The following GABRG3 variants were observed in gnomAD, a reference collection of about 807,000 sequenced individuals.
GABRG3 encodes the protein gamma-aminobutyric acid type A receptor subunit gamma3, also known as gamma-aminobutyric acid receptor subunit gamma-3.
In GABRG3, 25 loss-of-function variants were observed where a neutral mutation model predicts 48.8. The ratio of observed to expected loss-of-function variants is 0.51; its 90% CI spans 0.37 to 0.72. The LOEUF (loss-of-function observed/expected upper bound fraction) is 0.72. Ranked by LOEUF, GABRG3 falls within the 30% of genes least tolerant of loss-of-function variation. The pLI, the probability that GABRG3 is intolerant of heterozygous loss-of-function variation, is 0.00. For synonymous variants in GABRG3, 227 were observed against 217.6 expected, an observed-to-expected ratio of 1.04 and a Z score of -0.38; for missense variants, 394 against 577.9, an observed-to-expected ratio of 0.68 and a Z score of 3.26.
At chr15:27,481,070 A>G in intron 6 of GABRG3, 1 of 1,194,310 alleles carries the variant, frequency 8.4e-7, no homozygotes, top group East Asian at 3.5e-5. Context: ...TATTTACATA[A>G]ACCAATTTTG....
At chr15:27,277,895 G>A (rs1891307722) in intron 3 of GABRG3, among the ~76,000 whole-genome samples, 1 of 151,962 alleles carries the variant, frequency 6.6e-6, no homozygotes, top group South Asian at 2.1e-4. Context: ...AAAGGTCTAG[G>A]TACTATTTAC....
rs74522967 is a variant in GABRG3 at position 27,069,497 on chromosome 15, C to T, written c.270+42676C>T. Among the ~76,000 whole-genome samples the T allele has an allele frequency of 7.7e-3, 1,168 of 152,272 alleles. 14 individuals are homozygous for T. Among genetic ancestry groups the T allele is most frequent in the African/African-American group, 0.025 (1,054 of 41,546 alleles). On this transcript the variant is annotated intron_variant, in intron 3 of 9. Transcript: ENST00000615808. Reference sequence around the variant, plus strand: ...AACTGTACACTGTCAGAGAGACTCGCGCAGGAATCAAAACTGTGCATACAC... The same window carrying T: ...AACTGTACACTGTCAGAGAGACTCGTGCAGGAATCAAAACTGTGCATACAC...
chr15:27,371,131 A>G (rs1229090608), intron 5 of GABRG3, among the ~76,000 whole-genome samples: 1 of 152,032 alleles, frequency 6.6e-6, no homozygotes, highest in Non-Finnish European at 1.5e-5. Flanking sequence ...GGAAACTCCT[A>G]CCAGAATTAG....
At chr15:27,518,062 G>A (rs1280022172) in intron 6 of GABRG3, among the ~76,000 whole-genome samples, 1 of 151,824 alleles carries the variant, frequency 6.6e-6, no homozygotes. Flanking sequence ...GTAAAAATGG[G>A]ACTTTGGGCT....
At chr15:27,291,748 C>A (rs534741848) in intron 3 of GABRG3, among the ~76,000 whole-genome samples, 1 of 152,206 alleles carries the variant, frequency 6.6e-6, no homozygotes, top group African/African-American at 2.4e-5. Context: ...AGAGTGGAAA[C>A]TGTGAACCCA....
Position 27,527,442 on chromosome 15 carries a change from C to T in GABRG3, c.875C>T (p.Thr292Met), listed in dbSNP as rs750009355. 5 of 1,613,542 alleles carry T rather than the reference C, an allele frequency of 3.1e-6. No homozygotes were observed. The highest frequency in any genetic ancestry group is 4.2e-6 in the Non-Finnish European group (5 of 1,179,754). The change falls in exon 8 of 10, where the codon ACG (threonine) becomes ATG (methionine). Residue 292 changes from threonine (T) to methionine (M), a missense_variant. This residue lies in a region of GABRG3 where 50 missense variants were observed against 112.5 expected (regional missense o/e 0.44). Coordinates refer to ENST00000615808, the MANE Select transcript of GABRG3 (RefSeq NM_033223.5). ...CCCGTCCCCTGTTCAGGCATCACCA[C>T]GGTGCTGACCATGACCACCCTGAGC... ...TPARTALGIT[T>M]VLTMTTLSTI...
intron 5 of GABRG3, among the ~76,000 whole-genome samples, chr15:27,421,546 G>A (rs1237748645): frequency 6.6e-6 from 1 of 151,866 alleles, no homozygotes; most frequent in African/African-American, 2.4e-5. Context: ...GGAGTGGGCT[G>A]CGTATCCATC....
intron 3 of GABRG3, among the ~76,000 whole-genome samples, chr15:27,302,189 G>GA (rs1264364922): frequency 6.6e-6 from 1 of 151,896 alleles, no homozygotes; most frequent in Non-Finnish European, 1.5e-5. Context: ...TATATAAAAG[G>GA]AAAAAATACA....
chr15:27,355,207 A>T (rs1287227898), intron 5 of GABRG3, among the ~76,000 whole-genome samples: 1 of 152,246 alleles, frequency 6.6e-6, no homozygotes, highest in Non-Finnish European at 1.5e-5. Flanking sequence ...GTAACCTCAA[A>T]TGGATCTGTT....
chr15:27,060,142 C>G (rs551698914), intron 3 of GABRG3, among the ~76,000 whole-genome samples: 4 of 152,284 alleles, frequency 2.6e-5, no homozygotes, highest in Admixed American at 2.0e-4. Flanking sequence ...TGGTTTTTAA[C>G]ATTTTTGTAT....
chr15:27,044,992 A>C (rs899082033), intron 3 of GABRG3, among the ~76,000 whole-genome samples: 1 of 152,260 alleles, frequency 6.6e-6, no homozygotes, highest in Admixed American at 6.5e-5. Context: ...AGTTTGATTT[A>C]ACAGCAGTCT....
chr15:27,268,105 G>C (rs1182006717), intron 3 of GABRG3, among the ~76,000 whole-genome samples: 1 of 152,140 alleles, frequency 6.6e-6, no homozygotes, highest in Non-Finnish European at 1.5e-5. Flanking sequence ...AAGGTGTGTA[G>C]ACAGTAGGTT....
chr15:27,429,773 T>G (rs1888396080), intron 5 of GABRG3, among the ~76,000 whole-genome samples: 1 of 152,228 alleles, frequency 6.6e-6, no homozygotes, highest in Non-Finnish European at 1.5e-5. Context: ...TGAGTAATAT[T>G]CCATCGCATG....
chr15:27,213,544 G>A (rs552813737), intron 3 of GABRG3, among the ~76,000 whole-genome samples: 40 of 152,250 alleles, frequency 2.6e-4, no homozygotes, highest in African/African-American at 9.4e-4. Flanking sequence ...AACCTCTTGG[G>A]GATTTTTGAA....
chr15:27,306,636 A>ATTTATATATAAACATATATATGAACATG lies in GABRG3; in HGVS notation c.271-20126_271-20099dup, dbSNP rs750265107. On this transcript the variant is annotated intron_variant, in intron 3 of 9. Coordinates refer to ENST00000615808, the MANE Select transcript of GABRG3 (RefSeq NM_033223.5). ...ATAAACATATATAATATAAACATAT[A>ATTTATATATAAACATATATATGAACATG]TTTATATATAAACATATATATGAAC... Among the ~76,000 whole-genome samples, 4 of 88,454 alleles carry ATTTATATATAAACATATATATGAACATG rather than the reference A, an allele frequency of 4.5e-5. 1 individual carries two copies. The highest frequency in any genetic ancestry group is 2.9e-4 in the South Asian group (1 of 3,444). The allele number at this position is 88,454 out of a possible 152,430, so 58.0% of individuals were successfully genotyped here. A position where few individuals can be genotyped will look rare whatever the true frequency, so the allele number is the denominator to read the frequency against.
chr15:27,242,406 A>G (rs1365684660), intron 3 of GABRG3, among the ~76,000 whole-genome samples: 1 of 152,224 alleles, frequency 6.6e-6, no homozygotes, highest in Non-Finnish European at 1.5e-5. Flanking sequence ...ATATGTGATT[A>G]AGACAGGTTG....
chr15:27,362,861 A>G (rs751424117), intron 5 of GABRG3: 1 of 152,220 alleles, frequency 6.6e-6, no homozygotes, highest in Non-Finnish European at 1.5e-5. Context: ...GTGCATCAGA[A>G]GTTGTTCATC....
rs186320370 is a variant in GABRG3, at chr15:27,090,191, T to G, written c.270+63370T>G. Among the ~76,000 whole-genome samples, 32 of 152,370 alleles carry G rather than the reference T, an allele frequency of 2.1e-4. No individual in the cohort carries two copies. The South Asian group carries it at 2.7e-3, about 13-fold the overall frequency. On this transcript the variant is annotated intron_variant, in intron 3 of 9. Transcript: ENST00000615808. ...CACTTTCAATAAATTACATGTGATA[T>G]TCAACACTTTATTATAAAGTATGTT... is the stretch of plus-strand genomic sequence containing the variant.
At chr15:27,509,215 G>GA (rs1890838271) in intron 6 of GABRG3, among the ~76,000 whole-genome samples, 1 of 152,034 alleles carries the variant, frequency 6.6e-6, no homozygotes, top group Non-Finnish European at 1.5e-5. Flanking sequence ...TCTGGTGAGG[G>GA]AAAAAGCAAA....
Sources: gnomAD v4.1 joint callset for allele counts (sites outside exome capture counted in the v4.1 genomes callset) on GRCh38, gnomAD v4.1.1 for gene constraint, gnomAD v4.1.1 regional missense constraint, MANE v1.5 for transcripts, NCBI Gene and HGNC (gene_info 2026-07-23, HGNC 2026-07-21) for gene names.